Variants in NIBAN1 observed in about 807,000 individuals in gnomAD.
The protein encoded by NIBAN1 is protein Niban 1.
Under a neutral mutation model 75.1 loss-of-function variants are expected in NIBAN1, and 81 were observed. The observed-to-expected ratio is 1.08, with a 90% CI of 0.90 to 1.30. NIBAN1 has a LOEUF of 1.30. NIBAN1 is among the 50% of genes most tolerant of loss of function. NIBAN1 has a pLI of 0.00. For synonymous variants in NIBAN1, 436 were observed against 424.8 expected (o/e 1.03, Z -0.32); for missense variants, 1,133 against 1,128.1 (o/e 1.00, Z -0.06).
intron 5 of NIBAN1, among the ~76,000 whole-genome samples, chr1:184,860,491 T>C (rs1209094593): frequency 4.6e-5 from 7 of 152,228 alleles, no homozygotes; most frequent in Non-Finnish European, 8.8e-5. Context: ...ATATTATTTA[T>C]GGAGTAGCAT....
rs918340223 is a variant in NIBAN1, at chr1:184,793,398, A to G, written c.*1579T>C. The G allele has an allele frequency of 3.3e-5, 5 of 152,284 alleles. No homozygotes were observed. In the East Asian group the frequency reaches 9.7e-4, roughly 29 times the overall value. The allele number at this position is 152,284 out of a possible 1,614,324, so 9.4% of individuals were successfully genotyped here. ...TGGTGAAAACCCATCTCTACCAAAA[A>G]TACAAAAATTAGCCGGGAATGGTGC... On this transcript the variant is annotated 3_prime_UTR_variant, in exon 14 of 14. Transcript: ENST00000367511.
intron 6 of NIBAN1, among the ~76,000 whole-genome samples, chr1:184,825,413 A>T (rs1030031949): frequency 5.3e-5 from 8 of 152,202 alleles, no homozygotes; most frequent in Admixed American, 5.2e-4. Flanking sequence ...CTTTAATAAG[A>T]CTGGATACAG....
chr1:184,822,323 G>A (rs964005297), intron 8 of NIBAN1, among the ~76,000 whole-genome samples: 2 of 152,160 alleles, frequency 1.3e-5, no homozygotes, highest in African/African-American at 4.8e-5. Context: ...AAGGTCTCTT[G>A]TATGGGAATA....
chr1:184,972,315 A>G (rs1014528565), intron 1 of NIBAN1, among the ~76,000 whole-genome samples: 2 of 152,238 alleles, frequency 1.3e-5, no homozygotes, highest in Non-Finnish European at 2.9e-5. Flanking sequence ...TTTATAGGCT[A>G]AAAAATGGGC....
At chr1:184,898,556 C>T (rs1257253216) in intron 2 of NIBAN1, among the ~76,000 whole-genome samples, 7 of 152,180 alleles carry the variant, frequency 4.6e-5, no homozygotes, top group Non-Finnish European at 7.3e-5. Flanking sequence ...GCAGAGGTTG[C>T]AGTGAGCCGC....
intron 1 of NIBAN1, among the ~76,000 whole-genome samples, chr1:184,961,132 G>T (rs530955471): frequency 3.3e-4 from 45 of 134,768 alleles, no homozygotes; most frequent in South Asian, 2.3e-3. Context: ...GCAGTGGCGC[G>T]ATCTCGGCTC....
intron 5 of NIBAN1, among the ~76,000 whole-genome samples, chr1:184,869,332 A>G (rs1406385351): frequency 6.6e-6 from 1 of 152,226 alleles, no homozygotes; most frequent in African/African-American, 2.4e-5. Flanking sequence ...ATCGTCCAGT[A>G]TAAAAAGCGA....
chr1:184,817,153 C>T (rs187925261), intron 9 of NIBAN1, among the ~76,000 whole-genome samples: 18 of 152,274 alleles, frequency 1.2e-4, no homozygotes, highest in Non-Finnish European at 1.9e-4. Context: ...TGATAGTTGG[C>T]TGAAAATGAT....
At chr1:184,917,957 A>T (rs1330795735) in intron 1 of NIBAN1, among the ~76,000 whole-genome samples, 1 of 152,166 alleles carries the variant, frequency 6.6e-6, no homozygotes, top group Non-Finnish European at 1.5e-5. Flanking sequence ...TCTTTCCCTT[A>T]AAAACGCAAC....
At chr1:184,814,861 C>T (rs577912189) in intron 9 of NIBAN1, among the ~76,000 whole-genome samples, 4 of 152,312 alleles carry the variant, frequency 2.6e-5, no homozygotes, top group South Asian at 2.1e-4. Context: ...TTCAAGAGGA[C>T]GTAAGTCCAG....
intron 1 of NIBAN1, among the ~76,000 whole-genome samples, chr1:184,916,259 T>A (rs1007290414): frequency 1.3e-5 from 2 of 152,168 alleles, no homozygotes; most frequent in South Asian, 4.1e-4. Context: ...AACAGAGATA[T>A]CGATGTAGGG....
chr1:184,893,929 T>C, intron 3 of NIBAN1, 146 bp downstream of exon 3: 1 of 750,948 alleles, frequency 1.3e-6, no homozygotes, highest in Non-Finnish European at 2.1e-6. Context: ...AATGAGTGCT[T>C]ATTGAATGAA....
At chr1:184,949,403 A>G (rs1382712897) in intron 1 of NIBAN1, among the ~76,000 whole-genome samples, 1 of 152,242 alleles carries the variant, frequency 6.6e-6, no homozygotes, top group Non-Finnish European at 1.5e-5. Context: ...TTGTTCAAAT[A>G]AACTGGCTTA....
rs893097109 is a variant in NIBAN1 at position 184,814,076 on chromosome 1, T to G, written c.1173+4562A>C. Among the ~76,000 whole-genome samples the G allele has an allele frequency of 3.3e-5, 5 of 152,208 alleles. No homozygotes were observed. The East Asian group carries it at 7.7e-4, about 23-fold the overall frequency. ...TGGAAATGTAAATTTTTGCCTAGGT[T>G]AGAGGGTTAAAGGATTGTTTTAAAT... On this transcript the variant is annotated intron_variant, in intron 9 of 13. Coordinates refer to ENST00000367511, the MANE Select transcript of NIBAN1 (RefSeq NM_052966.4).
rs138128814 is a variant in NIBAN1 at position 184,860,960 on chromosome 1, C to T, written c.601+23673G>A. ...ACATGTTTCAGTCATACAAAGTCCACGGCCCACCCTACCTGAAAAGGCATG... is the reference window on the plus strand; with the variant it reads ...ACATGTTTCAGTCATACAAAGTCCATGGCCCACCCTACCTGAAAAGGCATG... On this transcript the variant is annotated intron_variant, in intron 5 of 13. Coordinates refer to ENST00000367511, the MANE Select transcript of NIBAN1 (RefSeq NM_052966.4). Among the ~76,000 whole-genome samples the T allele has an allele frequency of 9.2e-5, 14 of 152,338 alleles. No homozygotes were observed. In the East Asian group the frequency reaches 2.3e-3, roughly 25 times the overall value.
chr1:184,894,404 T>C (rs932029547), intron 2 of NIBAN1, among the ~76,000 whole-genome samples, 198 bp from the exon 3 acceptor site: 1 of 152,210 alleles, frequency 6.6e-6, no homozygotes, highest in Non-Finnish European at 1.5e-5. Context: ...TTTGTCTTAT[T>C]GGTATTTTTA....
intron 1 of NIBAN1, among the ~76,000 whole-genome samples, chr1:184,920,625 A>C (rs560337086): frequency 6.6e-5 from 10 of 152,172 alleles, no homozygotes; most frequent in Admixed American, 5.9e-4. Context: ...CTTCCACATG[A>C]GTAAGAACAT....
At chr1:184,924,227 C>T (rs188346743) in intron 1 of NIBAN1, among the ~76,000 whole-genome samples, 1 of 152,082 alleles carries the variant, frequency 6.6e-6, no homozygotes, top group Admixed American at 6.5e-5. Flanking sequence ...CTCTTTTATA[C>T]CCAGTTTTTG....
intron 5 of NIBAN1, 23 bp downstream of exon 5, chr1:184,884,610 A>G (rs972621905): frequency 6.2e-7 from 1 of 1,612,140 alleles, no homozygotes; most frequent in Non-Finnish European, 8.5e-7. Flanking sequence ...CGCCCCGGGG[A>G]TGAGAGGGGA....
Sources: allele counts gnomAD v4.1 joint callset (sites outside exome capture counted in the v4.1 genomes callset), GRCh38; gene constraint gnomAD v4.1.1; transcripts MANE v1.5; gene names NCBI Gene and HGNC (gene_info 2026-07-23, HGNC 2026-07-21).